Variants in PDE2A observed in about 807,000 individuals in gnomAD.
PDE2A encodes the protein phosphodiesterase 2A.
Under a neutral mutation model 133.6 loss-of-function variants are expected in PDE2A, and 53 were observed. The observed-to-expected ratio is 0.40, with a 90% confidence interval of 0.32 to 0.50. PDE2A has a LOEUF of 0.50. Among genes scored for constraint, PDE2A ranks in the 20% least tolerant of loss-of-function variants. The pLI, the probability that PDE2A is intolerant of heterozygous loss-of-function variation, is 0.73. For missense variants in PDE2A, 796 were observed against 1,232.4 expected, an observed-to-expected ratio of 0.65 and a Z score of 5.30; for synonymous variants, 491 against 490.2, an observed-to-expected ratio of 1.00 and a Z score of -0.02.
At chr11:72,665,827 G>C (rs572098934) in intron 1 of PDE2A, among the ~76,000 whole-genome samples, 93 of 151,624 alleles carry the variant, frequency 6.1e-4, no homozygotes, top group Middle Eastern at 6.8e-3. Context: ...CCAAACCCCA[G>C]CACTGTCTCA....
chr11:72,632,534 C>A (rs976078685), intron 2 of PDE2A, among the ~76,000 whole-genome samples: 3 of 152,164 alleles, frequency 2.0e-5, no homozygotes, highest in Non-Finnish European at 4.4e-5. Context: ...GCCTGGTATG[C>A]ACTGGCCCTG....
intron 2 of PDE2A, among the ~76,000 whole-genome samples, chr11:72,633,230 C>G (rs1858508697): frequency 6.6e-6 from 1 of 152,178 alleles, no homozygotes; most frequent in Admixed American, 6.5e-5. Context: ...CCAGGGAGGT[C>G]AGGGGAGGGT....
chr11:72,608,631 TG>T, intron 3 of PDE2A, 30 bp downstream of exon 3: 1 of 1,020,232 alleles, frequency 9.8e-7, no homozygotes, highest in South Asian at 1.4e-5. Context: ...GGGGGTGGGG[TG>T]GGAAGCGTGG....
At chr11:72,625,159 G>A (rs1311376888) in intron 2 of PDE2A, among the ~76,000 whole-genome samples, 1 of 152,198 alleles carries the variant, frequency 6.6e-6, no homozygotes, top group African/African-American at 2.4e-5. Flanking sequence ...CCAGAGGCTG[G>A]CCAGCAGGAA....
At chr11:72,644,805 G>A (rs944816714) in intron 1 of PDE2A, among the ~76,000 whole-genome samples, 1 of 152,044 alleles carries the variant, frequency 6.6e-6, no homozygotes, top group Non-Finnish European at 1.5e-5. Flanking sequence ...TCACCAGGCT[G>A]GAGCGCAGTG....
intron 1 of PDE2A, among the ~76,000 whole-genome samples, chr11:72,670,943 A>C (rs1855371739): frequency 6.6e-6 from 1 of 150,826 alleles, no homozygotes; most frequent in Admixed American, 6.6e-5. Flanking sequence ...GAGAGTACTA[A>C]AACAACTGCT....
chr11:72,590,162 G>A lies in PDE2A; in HGVS notation c.756+30C>T. ...GGTCCCCGGAGGGAGACAGGACGGG[G>A]AGGTGGCCGGCAGGGGCGCAGGGAC... is the stretch of plus-strand genomic sequence containing the variant. On this transcript the variant is annotated intron_variant, in intron 9 of 30. Transcript: ENST00000334456. This position sits in a 1 kb window ranked among gnomAD's most constrained non-coding sequence, Gnocchi z 4.8. 6.5e-7 allele frequency: 1 copy of A among 1,538,940 alleles called. No individual in the cohort carries two copies. The highest frequency in any genetic ancestry group is 8.8e-7 in the Non-Finnish European group (1 of 1,136,686).
In PDE2A at chr11:72,615,696, AAC is replaced by A. The variant is rs535526432; in HGVS notation, c.145-6947_145-6946del. 1.6e-3 allele frequency among the ~76,000 whole-genome samples: 238 copies of A among 152,052 alleles called. 3 individuals carry two copies. The highest frequency in any genetic ancestry group is 5.6e-3 in the African/African-American group (234 of 41,464). On this transcript the variant is annotated intron_variant, in intron 2 of 30. Coordinates refer to ENST00000334456, the MANE Select transcript of PDE2A (RefSeq NM_002599.5). ...CCTGGACACCACAAACTTCCTCCCA[AAC>A]ACATCACAGCATCCCCCTCTCCATG...
intron 2 of PDE2A, among the ~76,000 whole-genome samples, chr11:72,621,528 C>T (rs1017979122): frequency 5.3e-5 from 8 of 152,220 alleles, no homozygotes; most frequent in African/African-American, 1.9e-4. Context: ...GACACACAGT[C>T]ATTTCAGGGT....
intron 4 of PDE2A, among the ~76,000 whole-genome samples, chr11:72,599,959 T>C (rs1242701099): frequency 6.6e-5 from 10 of 152,278 alleles, no homozygotes; most frequent in Non-Finnish European, 4.4e-5. Flanking sequence ...GGGAGACATC[T>C]GAGTTGAGTC....
At chr11:72,588,608 G>C (rs1027529573) in intron 13 of PDE2A, among the ~76,000 whole-genome samples, 176 bp downstream of exon 13, 5 of 152,234 alleles carry the variant, frequency 3.3e-5, no homozygotes, top group Non-Finnish European at 5.9e-5. Context: ...GAAGAGAAGA[G>C]GAACTAGCTT....
intron 1 of PDE2A, among the ~76,000 whole-genome samples, chr11:72,673,160 A>T (rs541254206): frequency 2.3e-4 from 35 of 152,280 alleles, no homozygotes; most frequent in Non-Finnish European, 4.7e-4. Flanking sequence ...TAAAAAATGC[A>T]CACTGATTCA....
chr11:72,646,324 G>T (rs1005556672), intron 1 of PDE2A, among the ~76,000 whole-genome samples: 1 of 152,318 alleles, frequency 6.6e-6, no homozygotes, highest in Non-Finnish European at 1.5e-5. Flanking sequence ...CTCATTGGTA[G>T]GGCCTTGTGC....
chr11:72,628,961 G>A (rs952048176), intron 2 of PDE2A, among the ~76,000 whole-genome samples: 1 of 152,224 alleles, frequency 6.6e-6, no homozygotes. Flanking sequence ...GCTGAGTATA[G>A]GCCTGGGCAC....
chr11:72,597,159 A>G lies in PDE2A; in HGVS notation c.433+351T>C, dbSNP rs2365774. ...TGACAGTGACAGAGAGAATGTGAGAACAACTACAGCCCCATCCAGCATCAG... is the reference window on the plus strand; with the variant it reads ...TGACAGTGACAGAGAGAATGTGAGAGCAACTACAGCCCCATCCAGCATCAG... On this transcript the variant is annotated intron_variant, in intron 5 of 30. Coordinates refer to ENST00000334456, the MANE Select transcript of PDE2A (RefSeq NM_002599.5). The surrounding 1 kb of genome is among the most constrained non-coding windows in gnomAD (Gnocchi z 4.6). Among the ~76,000 whole-genome samples the G allele has an allele frequency of 0.27, 40,308 of 151,990 alleles. 5,424 individuals carry two copies. The highest frequency in any genetic ancestry group is 0.34 in the South Asian group (1,626 of 4,812).
chr11:72,658,488 T>C (rs947636663), intron 1 of PDE2A, among the ~76,000 whole-genome samples: 1 of 151,964 alleles, frequency 6.6e-6, no homozygotes, highest in African/African-American at 2.4e-5. Flanking sequence ...ACACCCTAGA[T>C]TTTTTCTGTT....
chr11:72,664,698 C>T (rs7110717), intron 1 of PDE2A, among the ~76,000 whole-genome samples: 9,944 of 151,174 alleles, frequency 0.066, 718 homozygotes, highest in African/African-American at 0.18. Flanking sequence ...TTTAAGGAGG[C>T]GATTTGTTTA....
chr11:72,582,174 A>C, intron 21 of PDE2A: 1 of 607,830 alleles, frequency 1.6e-6, no homozygotes, highest in Non-Finnish European at 2.9e-6. Context: ...TTAGAAAAAC[A>C]GGGTTGGGAG....
In PDE2A at chr11:72,585,379, G is replaced by C. The variant is rs371572356; in HGVS notation, c.1278C>G (p.Asn426Lys). 6.2e-6 allele frequency: 10 copies of C among 1,613,714 alleles called. No homozygotes were observed. The highest frequency in any genetic ancestry group is 7.6e-6 in the Non-Finnish European group (9 of 1,179,664). Residue 426 changes from asparagine to lysine, a missense_variant, in exon 16 of 31, where the codon AAC (asparagine) becomes AAG (lysine). Transcript: ENST00000334456. Reference sequence around the variant, plus strand: ...TGGGTAGAGTCACTCACATCTCTGCGTTGCTGAGGTTTCTGGCCTCCGTGA... The same window carrying C: ...TGGGTAGAGTCACTCACATCTCTGCCTTGCTGAGGTTTCTGGCCTCCGTGA... ...EIITEARNLS[N>K]AEICSVFLLD...
Sources: gnomAD v4.1 joint callset for allele counts (sites outside exome capture counted in the v4.1 genomes callset) on GRCh38, gnomAD v4.1.1 for gene constraint, Gnocchi (gnomAD v3.1) non-coding constraint, MANE v1.5 for transcripts, NCBI Gene and HGNC (gene_info 2026-07-23, HGNC 2026-07-21) for gene names.